Variants in PTPRN2 observed in about 807,000 individuals in gnomAD.
PTPRN2 encodes receptor-type tyrosine-protein phosphatase N2.
PTPRN2 carries 74 observed loss-of-function variants against 118.8 expected under a neutral mutation model. The ratio of observed to expected loss-of-function variants is 0.62; its 90% CI spans 0.52 to 0.76. The LOEUF is 0.76. Among genes scored for constraint, PTPRN2 ranks in the 30% least tolerant of loss-of-function variants. The pLI is 0.00. For synonymous variants in PTPRN2, 641 were observed against 608.0 expected, an observed-to-expected ratio of 1.05 and a Z score of -0.80; for missense variants, 1,481 against 1,394.4, an observed-to-expected ratio of 1.06 and a Z score of -0.99.
At chr7:158,149,940 CAT>C (rs912587308) in intron 6 of PTPRN2, among the ~76,000 whole-genome samples, 165 of 151,832 alleles carry the variant, frequency 1.1e-3, no homozygotes, top group African/African-American at 3.5e-3. Flanking sequence ...ATAAATAAAA[CAT>C]ATGAAAAATA....
intron 11 of PTPRN2, among the ~76,000 whole-genome samples, chr7:158,025,004 G>A (rs1807162027): frequency 6.6e-6 from 1 of 152,200 alleles, no homozygotes; most frequent in African/African-American, 2.4e-5. Context: ...GTGAATGTCA[G>A]AATAAGCTTT....
chr7:158,143,110 C>T (rs973790645), intron 6 of PTPRN2, among the ~76,000 whole-genome samples: 5 of 152,158 alleles, frequency 3.3e-5, no homozygotes, highest in Admixed American at 2.0e-4. Flanking sequence ...CGATTATCAT[C>T]GCGACAGTCT....
At chr7:157,781,050 G>A (rs1282097715) in intron 12 of PTPRN2, among the ~76,000 whole-genome samples, 1 of 152,096 alleles carries the variant, frequency 6.6e-6, no homozygotes, top group Admixed American at 6.6e-5. Context: ...ACCCACATGC[G>A]GCTCCTTCTA....
chr7:158,186,434 C>T (rs542892006), intron 5 of PTPRN2, among the ~76,000 whole-genome samples: 104 of 152,308 alleles, frequency 6.8e-4, no homozygotes, highest in Middle Eastern at 3.4e-3. Flanking sequence ...CTGCACCCTA[C>T]GTCCATCGTA....
At chr7:157,761,899 TAC>T (rs1236917698) in intron 12 of PTPRN2, among the ~76,000 whole-genome samples, 1 of 151,646 alleles carries the variant, frequency 6.6e-6, no homozygotes, top group Non-Finnish European at 1.5e-5. Flanking sequence ...CAAACAAATT[TAC>T]AAGAAAAAAA....
chr7:158,136,768 G>T (rs1205663250), intron 7 of PTPRN2, 73 bp from the exon 8 acceptor site: 4 of 1,476,496 alleles, frequency 2.7e-6, no homozygotes, highest in East Asian at 4.5e-5. Flanking sequence ...CATAAAAAGG[G>T]TGACCCTGCA....
At chr7:157,748,532 T>G (rs113903823) in intron 12 of PTPRN2, among the ~76,000 whole-genome samples, 1,815 of 117,898 alleles carry the variant, frequency 0.015, 23 homozygotes, top group Admixed American at 0.024. Flanking sequence ...CTCTGAGCTG[T>G]GGGGTGTCCG....
chr7:158,297,806 G>C (rs1457535637), intron 3 of PTPRN2, among the ~76,000 whole-genome samples: 1 of 152,190 alleles, frequency 6.6e-6, no homozygotes, highest in Non-Finnish European at 1.5e-5. Flanking sequence ...ATATTTTGGA[G>C]AATATCACAA....
chr7:158,486,934 CA>C (rs1821072590), intron 2 of PTPRN2, among the ~76,000 whole-genome samples: 1 of 152,228 alleles, frequency 6.6e-6, no homozygotes, highest in African/African-American at 2.4e-5. Flanking sequence ...ACTGACACCC[CA>C]ACTGTCCCCC....
intron 11 of PTPRN2, among the ~76,000 whole-genome samples, chr7:158,075,735 C>G (rs775626290): frequency 6.6e-6 from 1 of 152,246 alleles, no homozygotes; most frequent in Non-Finnish European, 1.5e-5. Flanking sequence ...TCTCCCTCGC[C>G]CACTCTGGGT....
At chr7:157,916,341 C>T (rs762032634) in intron 11 of PTPRN2, among the ~76,000 whole-genome samples, 1 of 152,192 alleles carries the variant, frequency 6.6e-6, no homozygotes, top group African/African-American at 2.4e-5. Context: ...GCGGCTGGAG[C>T]CTCTGGGAGG....
At chr7:157,752,573 C>T (rs554564311) in intron 12 of PTPRN2, among the ~76,000 whole-genome samples, 1 of 152,182 alleles carries the variant, frequency 6.6e-6, no homozygotes, top group Non-Finnish European at 1.5e-5. Flanking sequence ...GCTTCTTCAC[C>T]CGAAAGCCCA....
At chr7:158,506,820 C>T (rs1232096684) in intron 1 of PTPRN2, among the ~76,000 whole-genome samples, 1 of 152,122 alleles carries the variant, frequency 6.6e-6, no homozygotes, top group Non-Finnish European at 1.5e-5. Context: ...CCTCCGCCAT[C>T]GCCATAGGAA....
intron 2 of PTPRN2, among the ~76,000 whole-genome samples, chr7:158,397,596 G>T (rs755212729): frequency 2.0e-5 from 3 of 152,114 alleles, no homozygotes; most frequent in Non-Finnish European, 4.4e-5. Flanking sequence ...GAAAGCTGGG[G>T]GCCGAAATGT....
At chr7:158,255,445 A>G in intron 3 of PTPRN2, among the ~76,000 whole-genome samples, 1 of 152,078 alleles carries the variant, frequency 6.6e-6, no homozygotes, top group East Asian at 1.9e-4. Context: ...ACCACCAAAG[A>G]TCCGCGGCCG....
intron 2 of PTPRN2, among the ~76,000 whole-genome samples, chr7:158,340,335 A>G (rs1195612375): frequency 2.0e-5 from 2 of 102,198 alleles, no homozygotes; most frequent in African/African-American, 7.2e-5. Flanking sequence ...TCACACCCAC[A>G]CTGTCACCAT....
At chr7:158,150,404 C>G (rs945345551) in intron 6 of PTPRN2, among the ~76,000 whole-genome samples, 17 of 152,186 alleles carry the variant, frequency 1.1e-4, no homozygotes, top group African/African-American at 3.9e-4. Flanking sequence ...GCTGAGATGT[C>G]CACCCTCAGC....
At chr7:157,663,206 G>A (rs960257269) in intron 13 of PTPRN2, among the ~76,000 whole-genome samples, 3 of 152,140 alleles carry the variant, frequency 2.0e-5, no homozygotes, top group African/African-American at 7.2e-5. Flanking sequence ...GGGTGGCAAG[G>A]GGCGAACAGC....
intron 11 of PTPRN2, among the ~76,000 whole-genome samples, chr7:158,079,662 T>C (rs1354693935): frequency 6.6e-6 from 1 of 152,206 alleles, no homozygotes; most frequent in Admixed American, 6.5e-5. Flanking sequence ...GATCACGGAT[T>C]TGGTCTTAAA....
Sources: allele counts gnomAD v4.1 joint callset (sites outside exome capture counted in the v4.1 genomes callset), GRCh38; gene constraint gnomAD v4.1.1; transcripts MANE v1.5; gene names NCBI Gene and HGNC (gene_info 2026-07-23, HGNC 2026-07-21).